Variants in SEPTIN6 observed in about 807,000 individuals in gnomAD.
SEPTIN6 encodes the protein septin 6.
A neutral mutation model predicts 33.6 loss-of-function variants in SEPTIN6; 8 were observed. The ratio of observed to expected loss-of-function variants is 0.24; its 90% confidence interval spans 0.14 to 0.43. The LOEUF (loss-of-function observed/expected upper bound fraction) is 0.43. Ranked by LOEUF, SEPTIN6 falls within the 20% of genes least tolerant of loss-of-function variation. The pLI, the probability that SEPTIN6 is intolerant of heterozygous loss-of-function variation, is 1.00. For missense variants in SEPTIN6, 250 were observed against 340.8 expected, an observed-to-expected ratio of 0.73 and a Z score of 2.10; for synonymous variants, 131 against 140.0, an observed-to-expected ratio of 0.94 and a Z score of 0.45.
downstream of SEPTIN6, chrX:119,616,298 C>T (rs1292015952): frequency 6.4e-6 from 2 of 312,084 alleles, no homozygotes; most frequent in African/African-American, 5.3e-5. Flanking sequence ...TGGCTGTAGA[C>T]AGTCAACCCA....
At position 119,691,421 on chromosome X, in the gene SEPTIN6, A is replaced by G. The variant is rs184868335; in HGVS notation, c.30+1655T>C. 3.2e-3 allele frequency among the ~76,000 whole-genome samples: 361 copies of G among 112,282 alleles called. 2 individuals carry two copies. Among genetic ancestry groups the G allele is most frequent in the African/African-American group, 0.011 (334 of 30,881 alleles). On this transcript the variant is annotated intron_variant, in intron 1 of 10. Transcript: ENST00000394610. ...CTATACCATCTCTGAAATGCAGGTA[A>G]CCAGGAGCAGAAAAGCCACAGCAGA...
Position 119,651,484 on chromosome X carries a change from C to T in SEPTIN6, c.528+1370G>A, listed in dbSNP as rs187014683. ...GGTTGCGAGTTCGAGACCAGCTTGG[C>T]CAACATGGTGAAACCCCGTCTCTAC... On this transcript the variant is annotated intron_variant, in intron 4 of 10. Coordinates refer to ENST00000394610, the MANE Select transcript of SEPTIN6 (RefSeq NM_145799.4). Among the ~76,000 whole-genome samples, 12 of 111,298 alleles carry T rather than the reference C, an allele frequency of 1.1e-4. No individual in the cohort carries two copies. In the East Asian group the frequency reaches 2.3e-3, roughly 21 times the overall value.
chrX:119,643,679 T>C (rs375318344), intron 5 of SEPTIN6, among the ~76,000 whole-genome samples: 1 of 111,385 alleles, frequency 9.0e-6, no homozygotes, highest in African/African-American at 3.3e-5. Flanking sequence ...CATCCTTCTA[T>C]GGCAATGATT....
chrX:119,615,789 T>G (rs1174716541), downstream of SEPTIN6: 1 of 151,154 alleles, frequency 6.6e-6, no homozygotes, highest in African/African-American at 3.1e-5. Flanking sequence ...GGCTAAACAG[T>G]GCTGGTTCTG....
Position 119,619,385 on chromosome X carries a change from G to T in SEPTIN6, c.*708C>A, listed in dbSNP as rs2053712142. 1.2e-6 allele frequency: 1 copy of T among 814,510 alleles called. No individual in the cohort carries two copies. Among genetic ancestry groups the T allele is most frequent in the Admixed American group, 7.3e-5 (1 of 13,646 alleles). 67.1% of individuals were successfully genotyped at this position (814,510 alleles called of 1,213,427 possible). ...TGGGATACCCAGAGTTAGAGAGAGGGGAAACGTCTGCTATTTTCTTCAGCA... is the reference window on the plus strand; with the variant it reads ...TGGGATACCCAGAGTTAGAGAGAGGTGAAACGTCTGCTATTTTCTTCAGCA... On this transcript the variant is annotated 3_prime_UTR_variant, in exon 11 of 11. Coordinates refer to ENST00000394610, the MANE Select transcript of SEPTIN6 (RefSeq NM_145799.4).
intron 2 of SEPTIN6, among the ~76,000 whole-genome samples, chrX:119,666,091 A>T (rs2054633688): frequency 9.1e-6 from 1 of 109,818 alleles, no homozygotes; most frequent in Admixed American, 9.7e-5. Context: ...CAAAAAAAAA[A>T]AAAAGAGTCA....
At chrX:119,635,122 G>C in intron 7 of SEPTIN6, 1 of 353,280 alleles carries the variant, frequency 2.8e-6, no homozygotes, top group Non-Finnish European at 5.5e-6. Context: ...CCAGGACTTG[G>C]GAGGAGCCAA....
intron 1 of SEPTIN6, among the ~76,000 whole-genome samples, chrX:119,689,594 A>T (rs1603353489): frequency 9.0e-6 from 1 of 111,177 alleles, no homozygotes; most frequent in African/African-American, 3.3e-5. Context: ...TCACACCCTC[A>T]GCCTCCACAG....
At position 119,633,632 on chromosome X, in the gene SEPTIN6, G is replaced by A. The variant is rs767213425; in HGVS notation, c.957-140C>T. The A allele has an allele frequency of 5.0e-6, 4 of 800,960 alleles. No individual in the cohort carries two copies. The African/African-American group carries it at 6.2e-5, about 12-fold the overall frequency. 66.0% of individuals were successfully genotyped at this position (800,960 alleles called of 1,213,427 possible). On this transcript the variant is annotated intron_variant, in intron 7 of 10. Coordinates refer to ENST00000394610, the MANE Select transcript of SEPTIN6 (RefSeq NM_145799.4). ...GGTACAAAAATAGAACCACAAAGCT[G>A]TGGGCACCTGGCTTGGCCCATGACA...
At chrX:119,657,615 C>G (rs1256301735) in intron 3 of SEPTIN6, among the ~76,000 whole-genome samples, 1 of 111,469 alleles carries the variant, frequency 9.0e-6, no homozygotes, top group Admixed American at 9.6e-5. Flanking sequence ...TGAGCTCAAG[C>G]GATTCTCCTG....
At chrX:119,640,577 C>T (rs2054143179) in intron 6 of SEPTIN6, 115 bp downstream of exon 6, 2 of 581,315 alleles carry the variant, frequency 3.4e-6, no homozygotes, top group Admixed American at 3.1e-5. Context: ...GGACCCATGC[C>T]GAATGAGCAG....
chrX:119,692,898 C>A lies in SEPTIN6; in HGVS notation c.30+178G>T, dbSNP rs111229848. On this transcript the variant is annotated intron_variant, in intron 1 of 10. Transcript: ENST00000394610. ...CCCCCCGCCCCCCGCGCGCCACCAC[C>A]GTTTTCCGGGACAGGCTGAGGGACT... Among the ~76,000 whole-genome samples, 109 of 112,975 alleles carry A rather than the reference C, an allele frequency of 9.6e-4. 1 individual carries two copies. Among genetic ancestry groups the A allele is most frequent in the African/African-American group, 3.4e-3 (107 of 31,194 alleles).
chrX:119,625,683 T>C (rs1460828697), intron 9 of SEPTIN6, among the ~76,000 whole-genome samples: 2 of 110,334 alleles, frequency 1.8e-5, no homozygotes, highest in African/African-American at 3.3e-5. Flanking sequence ...GCTGGGATTA[T>C]AGGCAAGTGC....
chrX:119,687,411 C>T (rs922254797), intron 1 of SEPTIN6, among the ~76,000 whole-genome samples: 3 of 109,829 alleles, frequency 2.7e-5, no homozygotes, highest in Non-Finnish European at 5.7e-5. Context: ...CCACCACGCC[C>T]GGCTAATTTT....
intron 5 of SEPTIN6, among the ~76,000 whole-genome samples, chrX:119,643,937 C>T (rs1048765313): frequency 6.3e-5 from 7 of 111,749 alleles, no homozygotes; most frequent in Non-Finnish European, 1.3e-4. Flanking sequence ...TGTTCCACTG[C>T]TTTTGAGAGA....
At chrX:119,621,309 T>C (rs1046007882) in intron 10 of SEPTIN6, among the ~76,000 whole-genome samples, 8 of 110,179 alleles carry the variant, frequency 7.3e-5, no homozygotes, top group Admixed American at 9.8e-5. Flanking sequence ...TTGACCTCTC[T>C]TCCATGTAAA....
At chrX:119,690,342 T>TACATAC (rs555478755) in intron 1 of SEPTIN6, among the ~76,000 whole-genome samples, 1 of 69,376 alleles carries the variant, frequency 1.4e-5, no homozygotes, top group African/African-American at 8.7e-5. Flanking sequence ...CCCACATACA[T>TACATAC]ACACATACAC....
chrX:119,679,776 C>T (rs1206436884), intron 1 of SEPTIN6, among the ~76,000 whole-genome samples: 1 of 112,060 alleles, frequency 8.9e-6, no homozygotes, highest in Non-Finnish European at 1.9e-5. Context: ...AGGAGAATCA[C>T]TTGAACCCAG....
At chrX:119,671,626 G>A (rs774505738) in intron 2 of SEPTIN6, among the ~76,000 whole-genome samples, 6 of 109,486 alleles carry the variant, frequency 5.5e-5, no homozygotes, top group Non-Finnish European at 9.5e-5. Flanking sequence ...AATTAGCCAG[G>A]CATGGTGGCA....
Sources: allele counts gnomAD v4.1 joint callset (sites outside exome capture counted in the v4.1 genomes callset), GRCh38; gene constraint gnomAD v4.1.1; transcripts MANE v1.5; gene names NCBI Gene and HGNC (gene_info 2026-07-23, HGNC 2026-07-21).